ANAPC7: variants seen among roughly 807,000 people sequenced by gnomAD.
The protein encoded by ANAPC7 is anaphase promoting complex subunit 7, also known as anaphase-promoting complex subunit 7.
Under a neutral mutation model 63.3 loss-of-function variants are expected in ANAPC7, and 25 were observed. That is an observed-to-expected ratio of 0.39 (90% CI 0.29 to 0.55). ANAPC7 has a LOEUF of 0.55. Ranked by LOEUF, ANAPC7 falls within the 20% of genes least tolerant of loss-of-function variation. The pLI is 0.57. For missense variants in ANAPC7, 516 were observed against 691.7 expected (o/e 0.75, Z 2.85); for synonymous variants, 241 against 251.7 (o/e 0.96, Z 0.40).
rs540338571 is a variant in ANAPC7 at position 110,390,100 on chromosome 12, C to T, written c.409-1477G>A. Among the ~76,000 whole-genome samples the T allele has an allele frequency of 1.3e-4, 20 of 151,662 alleles. 1 individual carries two copies. The highest frequency in any genetic ancestry group is 4.3e-4 in the African/African-American group (18 of 41,410). ...TTTTTTTTTTTGAGACGGAGTTTCA[C>T]GCTTGTCACCCAGGCTAGAGTGCGA... is the stretch of plus-strand genomic sequence containing the variant. On this transcript the variant is annotated intron_variant, in intron 3 of 10. Coordinates refer to ENST00000455511, the MANE Select transcript of ANAPC7 (RefSeq NM_016238.3).
At chr12:110,399,597 C>T (rs1247427719) in intron 1 of ANAPC7, among the ~76,000 whole-genome samples, 1 of 151,918 alleles carries the variant, frequency 6.6e-6, no homozygotes, top group African/African-American at 2.4e-5. Flanking sequence ...TGGTGATGAT[C>T]ATACAATTTT....
intron 3 of ANAPC7, among the ~76,000 whole-genome samples, chr12:110,394,754 G>A (rs1482154626): frequency 1.3e-5 from 2 of 151,890 alleles, no homozygotes; most frequent in Non-Finnish European, 2.9e-5. Context: ...GCTGAGGTGG[G>A]AGGATTGCTT....
intron 1 of ANAPC7, 116 bp downstream of exon 1, chr12:110,403,411 C>A: frequency 1.7e-6 from 2 of 1,187,906 alleles, no homozygotes; most frequent in Non-Finnish European, 2.4e-6. Flanking sequence ...GACCCCGGAG[C>A]CTCCGCTGGC....
rs770939172 is a variant in ANAPC7 at position 110,403,699 on chromosome 12, A to C, written c.-72T>G. 6 of 1,551,990 alleles carry C rather than the reference A, an allele frequency of 3.9e-6. No homozygotes were observed. Among genetic ancestry groups the C allele is most frequent in the Non-Finnish European group, 5.2e-6 (6 of 1,147,438 alleles). On this transcript the variant is annotated 5_prime_UTR_variant, in exon 1 of 11. Coordinates refer to ENST00000455511, the MANE Select transcript of ANAPC7 (RefSeq NM_016238.3). ...AGCCGGTAGAGGATCCTTAGGGAAG[A>C]CTCCAAAATGGCGGCGTCGCCGGGG...
rs199792027 is a variant in ANAPC7, at chr12:110,403,665, G to A, written c.-38C>T. ...AGCCGCGGGCAGCGGCGGCAGCACT[G>A]ACTCGAAAAGCCGGTAGAGGATCCT... On this transcript the variant is annotated 5_prime_UTR_variant, in exon 1 of 11. Coordinates refer to ENST00000455511, the MANE Select transcript of ANAPC7 (RefSeq NM_016238.3). 619 of 1,563,646 alleles carry A rather than the reference G, an allele frequency of 4.0e-4. 4 individuals are homozygous for A. The African/African-American group carries it at 6.9e-3, about 17-fold the overall frequency.
chr12:110,398,109 G>A (rs756492320), intron 1 of ANAPC7, among the ~76,000 whole-genome samples: 11 of 151,984 alleles, frequency 7.2e-5, no homozygotes, highest in Non-Finnish European at 1.2e-4. Flanking sequence ...AGCCAGGTGC[G>A]GTGGCGAGTG....
At chr12:110,387,527 C>G in intron 5 of ANAPC7, 1 of 448,074 alleles carries the variant, frequency 2.2e-6, no homozygotes, top group Non-Finnish European at 3.9e-6. Flanking sequence ...CAGAGCTAAA[C>G]TCAGTCAGAT....
At chr12:110,389,035 T>C (rs1343185313) in intron 3 of ANAPC7, among the ~76,000 whole-genome samples, 1 of 137,136 alleles carries the variant, frequency 7.3e-6, no homozygotes, top group Non-Finnish European at 1.5e-5. Context: ...TGAACCGACA[T>C]CACGCCACTG....
rs1253536414 is a variant in ANAPC7 at position 110,386,426 on chromosome 12, A to G, written c.718T>C (p.Leu240=). ...KSLLRDNVDL[L]GSLADLYFRA... Reference sequence around the variant, plus strand: ...AAGTACAGATCTGCCAAGCTTCCCAATAGGTCCACGTTATCTCGCAATAAG... The same window carrying G: ...AAGTACAGATCTGCCAAGCTTCCCAGTAGGTCCACGTTATCTCGCAATAAG... Residue 240 remains leucine, a synonymous_variant, in exon 6 of 11, where the codon TTG becomes CTG. Transcript: ENST00000455511. The G allele has an allele frequency of 6.2e-7, 1 of 1,613,958 alleles. No individual in the cohort carries two copies. Among genetic ancestry groups the G allele is most frequent in the East Asian group, 2.2e-5 (1 of 44,888 alleles).
chr12:110,383,160 T>C (rs1361094481), intron 6 of ANAPC7, 200 bp from the exon 7 acceptor site: 2 of 503,582 alleles, frequency 4.0e-6, no homozygotes, highest in Non-Finnish European at 7.1e-6. Context: ...AAACCCAGGT[T>C]GGGCACAGTG....
Position 110,395,098 on chromosome 12 carries a change from T to C in ANAPC7, c.408+3A>G, listed in dbSNP as rs1228757321. On this transcript the variant is annotated splice_donor_region_variant and intron_variant, in intron 3 of 10. Coordinates refer to ENST00000455511, the MANE Select transcript of ANAPC7 (RefSeq NM_016238.3). ...GAGAAAAACACATAAACATTCAACT[T>C]ACTTTGGGAGTTCTTTGTCTTGAAG... 3 of 1,611,572 alleles carry C rather than the reference T, an allele frequency of 1.9e-6. No homozygotes were observed. The Admixed American group carries it at 5.1e-5, about 27-fold the overall frequency.
At chr12:110,397,570 A>C (rs1359271309) in intron 1 of ANAPC7, among the ~76,000 whole-genome samples, 1 of 151,416 alleles carries the variant, frequency 6.6e-6, no homozygotes, top group Non-Finnish European at 1.5e-5. Flanking sequence ...AAAAAAAAAA[A>C]AACACTAAAA....
At chr12:110,382,820 GA>G (rs775528352) in intron 7 of ANAPC7, 22 bp downstream of exon 7, 2 of 1,562,422 alleles carry the variant, frequency 1.3e-6, no homozygotes, top group Non-Finnish European at 1.8e-6. Context: ...CAACTGGGGA[GA>G]AAAGAGAATG....
chr12:110,388,015 A>G (rs893410522), intron 4 of ANAPC7, 123 bp from the exon 5 acceptor site: 2 of 989,506 alleles, frequency 2.0e-6, no homozygotes, highest in African/African-American at 3.3e-5. Flanking sequence ...TGAGCGATGC[A>G]TGAGAGAAAA....
intron 5 of ANAPC7, chr12:110,387,353 C>G (rs60687245): frequency 0.17 from 6,867 of 39,868 alleles, 694 homozygotes; most frequent in Admixed American, 0.26. Flanking sequence ...GAGAGAGAGA[C>G]AGAGAGAGAG....
chr12:110,387,725 T>C lies in ANAPC7; in HGVS notation c.674+14A>G. On this transcript the variant is annotated intron_variant, in intron 5 of 10. Transcript: ENST00000455511. ...AGGGCCTCAAGAACACTGAATTAAC[T>C]TTGTGGCTCTCACCAGATGGTACTG... The C allele has an allele frequency of 6.3e-7, 1 of 1,595,084 alleles. No individual in the cohort carries two copies. Among genetic ancestry groups the C allele is most frequent in the Non-Finnish European group, 8.6e-7 (1 of 1,165,210 alleles).
At chr12:110,396,603 C>T (rs368603305) in intron 1 of ANAPC7, 151 bp from the exon 2 acceptor site, 80 of 528,266 alleles carry the variant, frequency 1.5e-4, no homozygotes, top group East Asian at 1.3e-3. Context: ...CTCCACCTCC[C>T]GGGTTCAAGT....
chr12:110,377,715 TCAGA>T lies in ANAPC7; in HGVS notation c.1133-102_1133-99del, dbSNP rs974421680. ...CTCCAAATTGCTAACCTTCAAAGTT[TCAGA>T]CAAAGGGCAGGCCACGGGAAACTGA... is the stretch of plus-strand genomic sequence containing the variant. On this transcript the variant is annotated intron_variant, in intron 8 of 10. Transcript: ENST00000455511. The T allele has an allele frequency of 1.3e-5, 21 of 1,565,130 alleles. No individual in the cohort carries two copies. In the African/African-American group the frequency reaches 2.9e-4, roughly 21 times the overall value.
chr12:110,403,647 G>A lies in ANAPC7; in HGVS notation c.-20C>T, dbSNP rs1211851644. Reference sequence around the variant, plus strand: ...ATTCATCCTGCTCTGCAAAGCCGCGGGCAGCGGCGGCAGCACTGACTCGAA... The same window carrying A: ...ATTCATCCTGCTCTGCAAAGCCGCGAGCAGCGGCGGCAGCACTGACTCGAA... On this transcript the variant is annotated 5_prime_UTR_variant, in exon 1 of 11. Coordinates refer to ENST00000455511, the MANE Select transcript of ANAPC7 (RefSeq NM_016238.3). 2.5e-6 allele frequency: 4 copies of A among 1,574,548 alleles called. No individual in the cohort carries two copies. Among genetic ancestry groups the A allele is most frequent in the Non-Finnish European group, 3.4e-6 (4 of 1,159,540 alleles).
Sources: allele counts gnomAD v4.1 joint callset (sites outside exome capture counted in the v4.1 genomes callset), GRCh38; gene constraint gnomAD v4.1.1; transcripts MANE v1.5; gene names NCBI Gene and HGNC (gene_info 2026-07-23, HGNC 2026-07-21).